Variants in YKT6 observed in about 807,000 individuals in gnomAD.
The protein encoded by YKT6 is YKT6 vesicular SNARE protein, also known as synaptobrevin homolog YKT6.
A neutral mutation model predicts 29.3 loss-of-function variants in YKT6; 12 were observed. The ratio of observed to expected loss-of-function variants is 0.41; its 90% CI spans 0.26 to 0.66. The LOEUF is 0.66. YKT6 is among the 30% of genes least tolerant of loss of function. YKT6 has a pLI of 0.32. For synonymous variants in YKT6, 86 were observed against 94.3 expected, an observed-to-expected ratio of 0.91 and a Z score of 0.51; for missense variants, 188 against 243.8, an observed-to-expected ratio of 0.77 and a Z score of 1.52.
intron 5 of YKT6, among the ~76,000 whole-genome samples, chr7:44,209,235 TG>T (rs2096344178): frequency 1.3e-5 from 2 of 152,198 alleles, no homozygotes; most frequent in Non-Finnish European, 2.9e-5. Flanking sequence ...CAGCGTCTCC[TG>T]GGGTTGGAGT....
intron 1 of YKT6, among the ~76,000 whole-genome samples, chr7:44,202,662 A>G (rs1055069165): frequency 3.3e-5 from 5 of 152,226 alleles, no homozygotes; most frequent in Non-Finnish European, 7.3e-5. Context: ...TTATCTGTTC[A>G]TCTGTCAGTG....
At chr7:44,202,311 C>T (rs563644847) in intron 1 of YKT6, among the ~76,000 whole-genome samples, 14 of 152,210 alleles carry the variant, frequency 9.2e-5, no homozygotes, top group South Asian at 2.1e-4. Context: ...CAAAATTTAT[C>T]TTCACTATCT....
Position 44,204,594 on chromosome 7 carries a change from G to C in YKT6, c.131G>C (p.Ser44Thr). 1 of 1,614,222 alleles carries C rather than the reference G, an allele frequency of 6.2e-7. No individual in the cohort carries two copies. Among genetic ancestry groups the C allele is most frequent in the Non-Finnish European group, 8.5e-7 (1 of 1,180,040 alleles). The change falls in exon 2 of 7, where the codon AGT becomes ACT. Residue 44 changes from serine (S) to threonine (T), a missense_variant. Coordinates refer to ENST00000223369, the MANE Select transcript of YKT6 (RefSeq NM_006555.4). Reference sequence around the variant, plus strand: ...GTTCAGGAATTCATGACCTTCACGAGTCAACTGATTGTGGAGCGCTCATCG... The same window carrying C: ...GTTCAGGAATTCATGACCTTCACGACTCAACTGATTGTGGAGCGCTCATCG... ...SSVQEFMTFTSQLIVERSSKG... is the reference protein window; with the variant it reads ...SSVQEFMTFTTQLIVERSSKG...
chr7:44,212,244 A>C lies in YKT6; in HGVS notation c.562-3A>C. 3 of 1,613,890 alleles carry C rather than the reference A, an allele frequency of 1.9e-6. No homozygotes were observed. Among genetic ancestry groups the C allele is most frequent in the Non-Finnish European group, 1.7e-6 (2 of 1,179,974 alleles). On this transcript the variant is annotated splice_region_variant and splice_polypyrimidine_tract_variant and intron_variant, in intron 6 of 6. Transcript: ENST00000223369. ...TCTCAGCTCCTCTTTGTTTTTTTCC[A>C]AGGCCCGGAAACAAAACTCATGCTG...
At chr7:44,211,381 G>A (rs1223309282) in intron 6 of YKT6, among the ~76,000 whole-genome samples, 4 of 152,202 alleles carry the variant, frequency 2.6e-5, no homozygotes, top group Admixed American at 6.5e-5. Flanking sequence ...CTGCTGCTCT[G>A]GCTGATTTCT....
intron 3 of YKT6, 45 bp from the exon 4 acceptor site, chr7:44,207,343 G>C (rs2096341862): frequency 1.3e-6 from 2 of 1,538,992 alleles, no homozygotes; most frequent in African/African-American, 1.4e-5. Context: ...GAGACCACTG[G>C]TGAGTGCACA....
At chr7:44,211,172 AGT>A in intron 6 of YKT6, 48 bp downstream of exon 6, 1 of 1,550,776 alleles carries the variant, frequency 6.4e-7, no homozygotes. Context: ...TCTAGAGAGC[AGT>A]CGCAGCTTGC....
chr7:44,208,792 C>T (rs1039817474), intron 5 of YKT6: 1 of 152,564 alleles, frequency 6.6e-6, no homozygotes, highest in African/African-American at 2.4e-5. Context: ...CTGTTTTTCT[C>T]AGGTTTTTCT....
chr7:44,209,229 G>C (rs2908282), intron 5 of YKT6, among the ~76,000 whole-genome samples: 1 of 152,014 alleles, frequency 6.6e-6, no homozygotes, highest in Non-Finnish European at 1.5e-5. Context: ...GTACATCAGC[G>C]TCTCCTGGGG....
intron 6 of YKT6, chr7:44,211,590 G>A: frequency 4.0e-6 from 4 of 1,009,910 alleles, no homozygotes; most frequent in Admixed American, 5.3e-5. Context: ...GCTGCTGACT[G>A]CCGCTTTCTC....
chr7:44,202,698 A>G (rs1203693921), intron 1 of YKT6, among the ~76,000 whole-genome samples: 1 of 152,202 alleles, frequency 6.6e-6, no homozygotes, highest in Non-Finnish European at 1.5e-5. Context: ...TCCACATTTC[A>G]GCCATTGTGA....
At chr7:44,202,523 T>C (rs1433612007) in intron 1 of YKT6, among the ~76,000 whole-genome samples, 1 of 152,240 alleles carries the variant, frequency 6.6e-6, no homozygotes, top group African/African-American at 2.4e-5. Flanking sequence ...TGGAATCATA[T>C]AGTTTTTGTG....
chr7:44,206,288 C>G, intron 2 of YKT6, 97 bp from the exon 3 acceptor site: 1 of 1,277,414 alleles, frequency 7.8e-7, no homozygotes. Context: ...CGAGTGGCTT[C>G]ATTTGGCCTA....
intron 6 of YKT6, chr7:44,211,708 G>A: frequency 1.3e-6 from 1 of 761,552 alleles, no homozygotes; most frequent in Non-Finnish European, 1.6e-6. Flanking sequence ...TTGCTTTCAT[G>A]TGCACATTGG....
At chr7:44,207,724 T>TCTTTTG (rs1269180764) in intron 4 of YKT6, among the ~76,000 whole-genome samples, 2 of 152,132 alleles carry the variant, frequency 1.3e-5, no homozygotes, top group African/African-American at 4.8e-5. Flanking sequence ...TGTGGGTTTT[T>TCTTTTG]TTTTTTGTTT....
At chr7:44,203,177 T>C (rs892030453) in intron 1 of YKT6, among the ~76,000 whole-genome samples, 24 of 152,194 alleles carry the variant, frequency 1.6e-4, no homozygotes, top group Admixed American at 9.8e-4. Flanking sequence ...CACTGCAACC[T>C]CCGCCTCCTG....
chr7:44,208,238 G>C (rs770058286), intron 5 of YKT6, 40 bp downstream of exon 5: 1 of 1,607,944 alleles, frequency 6.2e-7, no homozygotes, highest in Non-Finnish European at 8.5e-7. Flanking sequence ...GAACTGAGGC[G>C]GGGGTGCGAT....
chr7:44,201,006 C>G lies in YKT6; in HGVS notation c.-130C>G. 1.5e-6 allele frequency: 1 copy of G among 657,940 alleles called. No individual in the cohort carries two copies. Among genetic ancestry groups the G allele is most frequent in the Non-Finnish European group, 2.4e-6 (1 of 408,338 alleles). 40.8% of individuals were successfully genotyped at this position (657,940 alleles called of 1,614,324 possible). A position where few individuals can be genotyped will look rare whatever the true frequency, so the allele number is the denominator to read the frequency against. Reference sequence around the variant, plus strand: ...TTGCGAGCCAGGAGGAGGAAGCCGGCGGTGGCCCCGTCAGCAGCCGGCTGC... The same window carrying G: ...TTGCGAGCCAGGAGGAGGAAGCCGGGGGTGGCCCCGTCAGCAGCCGGCTGC... On this transcript the variant is annotated 5_prime_UTR_variant, in exon 1 of 7. Coordinates refer to ENST00000223369, the MANE Select transcript of YKT6 (RefSeq NM_006555.4).
At position 44,201,160 on chromosome 7, in the gene YKT6, C is replaced by G. The variant is rs141044177; in HGVS notation, c.25C>G (p.Leu9Val). 35 of 1,610,470 alleles carry G rather than the reference C, an allele frequency of 2.2e-5. No homozygotes were observed. Among genetic ancestry groups the G allele is most frequent in the Non-Finnish European group, 2.8e-5 (33 of 1,178,362 alleles). Residue 9 changes from leucine (L) to valine (V), a missense_variant, in exon 1 of 7, where the codon CTC becomes GTC. Leu to Val is a conservative substitution (Grantham distance 32). This residue lies in a region of YKT6 where 71 missense variants were observed against 67.3 expected (regional missense o/e 1.05). Coordinates refer to ENST00000223369, the MANE Select transcript of YKT6 (RefSeq NM_006555.4). MKLYSLSV[L>V]YKGEAKVVLL... is the part of the protein sequence containing the mutation. ...CATGAAGCTGTACAGCCTCAGCGTC[C>G]TCTACAAAGGCGAGGCCAAGGTGGT... is the stretch of plus-strand genomic sequence containing the variant.
Sources: gnomAD v4.1 joint callset for allele counts (sites outside exome capture counted in the v4.1 genomes callset) on GRCh38, gnomAD v4.1.1 for gene constraint, gnomAD v4.1.1 regional missense constraint, MANE v1.5 for transcripts, NCBI Gene and HGNC (gene_info 2026-07-23, HGNC 2026-07-21) for gene names.